The following DLG2 variants were observed in gnomAD, a reference collection of about 807,000 sequenced individuals.
The protein encoded by DLG2 is disks large homolog 2.
In DLG2, 45 loss-of-function variants were observed where a neutral mutation model predicts 132.5. That is an observed-to-expected ratio of 0.34 (90% CI 0.27 to 0.44). DLG2 has a LOEUF of 0.44. Among genes scored for constraint, DLG2 ranks in the 20% least tolerant of loss-of-function variants. DLG2 has a pLI of 1.00. For synonymous variants in DLG2, 424 were observed against 419.6 expected, an observed-to-expected ratio of 1.01 and a Z score of -0.13; for missense variants, 1,045 against 1,196.9, an observed-to-expected ratio of 0.87 and a Z score of 1.87.
intron 16 of DLG2, among the ~76,000 whole-genome samples, chr11:83,870,322 A>G (rs905902244): frequency 5.9e-5 from 9 of 152,168 alleles, no homozygotes; most frequent in African/African-American, 1.9e-4. Context: ...GTCCATGTGT[A>G]TATATTATTT....
At chr11:84,127,491 G>A (rs935064578) in intron 9 of DLG2, among the ~76,000 whole-genome samples, 11 of 152,162 alleles carry the variant, frequency 7.2e-5, no homozygotes, top group African/African-American at 2.7e-4. Context: ...CCTTGTGAGG[G>A]CTATGAGAAA....
At chr11:84,344,997 T>C (rs1449019140) in intron 7 of DLG2, among the ~76,000 whole-genome samples, 1 of 152,220 alleles carries the variant, frequency 6.6e-6, no homozygotes, top group Non-Finnish European at 1.5e-5. Context: ...ATATTACTTT[T>C]TAATCCTTTG....
rs143413929 is a variant in DLG2, at chr11:84,869,422, G to C, written c.357+242239C>G. The stretch of plus-strand genomic sequence containing the variant: ...GACAAGGATGAGTTAAGATAGTTCT[G>C]TTTCATGCCATTTTTTAAATTAGTG... On this transcript the variant is annotated intron_variant, in intron 6 of 27. Coordinates refer to ENST00000376104, the MANE Select transcript of DLG2 (RefSeq NM_001142699.3). 7.7e-3 allele frequency among the ~76,000 whole-genome samples: 1,175 copies of C among 152,246 alleles called. 10 individuals carry two copies. Among genetic ancestry groups the C allele is most frequent in the South Asian group, 0.026 (123 of 4,818 alleles).
At chr11:83,985,868 T>G (rs2093245292) in intron 11 of DLG2, among the ~76,000 whole-genome samples, 2 of 152,100 alleles carry the variant, frequency 1.3e-5, no homozygotes, top group Non-Finnish European at 2.9e-5. Flanking sequence ...TTTGGATATA[T>G]ACCCAGTGAT....
chr11:85,187,807 T>C (rs1046991364), intron 4 of DLG2, among the ~76,000 whole-genome samples: 13 of 152,088 alleles, frequency 8.5e-5, no homozygotes, highest in African/African-American at 3.1e-4. Flanking sequence ...TCAGTGGCAT[T>C]GGCAGTAACA....
intron 6 of DLG2, among the ~76,000 whole-genome samples, chr11:84,974,614 T>A (rs966873944): frequency 1.3e-5 from 2 of 152,184 alleles, no homozygotes; most frequent in African/African-American, 4.8e-5. Context: ...GTTGATTTTA[T>A]TGTTAAGGAA....
chr11:85,314,235 T>C (rs1433416863), intron 3 of DLG2, among the ~76,000 whole-genome samples: 1 of 151,932 alleles, frequency 6.6e-6, no homozygotes, highest in Non-Finnish European at 1.5e-5. Flanking sequence ...ACTGTTTCCT[T>C]TTGGTATTCT....
intron 6 of DLG2, among the ~76,000 whole-genome samples, chr11:84,797,321 C>T (rs1369518189): frequency 6.6e-6 from 1 of 151,970 alleles, no homozygotes; most frequent in African/African-American, 2.4e-5. Flanking sequence ...CACTTTCTAC[C>T]CCAAACTCTC....
At chr11:83,880,384 G>A (rs2065877640) in intron 15 of DLG2, among the ~76,000 whole-genome samples, 1 of 152,150 alleles carries the variant, frequency 6.6e-6, no homozygotes, top group Non-Finnish European at 1.5e-5. Context: ...TAAGAAAAGA[G>A]AATGTATTTA....
chr11:84,246,099 C>T (rs1389395622), intron 8 of DLG2, among the ~76,000 whole-genome samples: 4 of 152,196 alleles, frequency 2.6e-5, no homozygotes, highest in African/African-American at 4.8e-5. Flanking sequence ...AGCAGAGATG[C>T]CCCAGCCAAC....
intron 18 of DLG2, among the ~76,000 whole-genome samples, chr11:83,696,620 T>C (rs1435336744): frequency 2.6e-5 from 4 of 152,206 alleles, no homozygotes; most frequent in Non-Finnish European, 5.9e-5. Context: ...ATGTACATCA[T>C]AATCTACTAT....
intron 6 of DLG2, among the ~76,000 whole-genome samples, chr11:84,632,574 T>G (rs2154543951): frequency 6.6e-6 from 1 of 152,262 alleles, no homozygotes. Flanking sequence ...GCTGACAGCC[T>G]TTAGTAAAGT....
chr11:83,859,591 T>G (rs892405550), intron 16 of DLG2, among the ~76,000 whole-genome samples: 4 of 152,168 alleles, frequency 2.6e-5, no homozygotes, highest in Non-Finnish European at 5.9e-5. Context: ...GCATTCAGTT[T>G]TAAAAGGCAG....
chr11:84,098,773 AG>A, intron 10 of DLG2, 149 bp downstream of exon 10: 2 of 888,818 alleles, frequency 2.3e-6, no homozygotes, highest in South Asian at 1.7e-5. Flanking sequence ...CAGTAGCAAA[AG>A]ATCTGCAAAG....
At chr11:83,463,058 G>A (rs913125449) in intron 26 of DLG2, among the ~76,000 whole-genome samples, 1 of 152,160 alleles carries the variant, frequency 6.6e-6, no homozygotes, top group African/African-American at 2.4e-5. Flanking sequence ...GGAAGCCAGA[G>A]ATTTGGGTCT....
intron 3 of DLG2, among the ~76,000 whole-genome samples, chr11:85,396,778 T>C (rs2087421328): frequency 6.6e-6 from 1 of 152,052 alleles, no homozygotes; most frequent in African/African-American, 2.4e-5. Context: ...TGGGACTACG[T>C]GAAAAGACCA....
chr11:83,787,468 C>T (rs752136628), intron 17 of DLG2, among the ~76,000 whole-genome samples: 89 of 151,736 alleles, frequency 5.9e-4, no homozygotes, highest in Non-Finnish European at 5.9e-5. Context: ...ATTACAGGTG[C>T]CCGCCACCAC....
chr11:84,897,634 A>G (rs1324011284), intron 6 of DLG2, among the ~76,000 whole-genome samples: 1 of 151,868 alleles, frequency 6.6e-6, no homozygotes, highest in Non-Finnish European at 1.5e-5. Context: ...TATTCCTAGA[A>G]TTTCTAGGAG....
chr11:85,587,908 A>G (rs993739057), intron 3 of DLG2, among the ~76,000 whole-genome samples: 1 of 152,176 alleles, frequency 6.6e-6, no homozygotes, highest in Admixed American at 6.5e-5. Flanking sequence ...GAATTCACTC[A>G]ACATTTGTTT....
Sources: allele counts gnomAD v4.1 joint callset (sites outside exome capture counted in the v4.1 genomes callset), GRCh38; gene constraint gnomAD v4.1.1; transcripts MANE v1.5; gene names NCBI Gene and HGNC (gene_info 2026-07-23, HGNC 2026-07-21).